RIOX2: variants seen among roughly 807,000 people sequenced by gnomAD.
RIOX2 encodes the protein ribosomal oxygenase 2, also known as 60S ribosomal protein L27a histidine hydroxylase.
In RIOX2, 43 loss-of-function variants were observed where a neutral mutation model predicts 51.2. The observed-to-expected ratio is 0.84, with a 90% CI of 0.66 to 1.08. RIOX2 has a LOEUF of 1.08. Among genes scored for constraint, RIOX2 ranks in the 50% least tolerant of loss-of-function variants. The pLI is 0.00. For missense variants in RIOX2, 566 were observed against 561.7 expected (o/e 1.01, Z -0.08); for synonymous variants, 226 against 218.5 (o/e 1.03, Z -0.30).
chr3:97,945,581 C>CT, intron 9 of RIOX2: 1 of 607,124 alleles, frequency 1.6e-6, no homozygotes, highest in Non-Finnish European at 2.9e-6. Context: ...TCCTATAAGG[C>CT]TACAGGTCCC....
rs369734853 is a variant in RIOX2 at position 97,945,938 on chromosome 3, G to A, written c.1150-51C>T. The A allele has an allele frequency of 8.3e-6, 11 of 1,327,586 alleles. No homozygotes were observed. The African/African-American group carries it at 1.6e-4, about 19-fold the overall frequency. The allele number at this position is 1,327,586 out of a possible 1,614,324, so 82.2% of individuals were successfully genotyped here. On this transcript the variant is annotated intron_variant, in intron 8 of 9. Coordinates refer to ENST00000394198, the MANE Select transcript of RIOX2 (RefSeq NM_153182.4). ...GGCCATCAACAACACAACACTGAAG[G>A]TGTCAGTACTAGGAAGGTTTTCCAA...
chr3:97,960,089 G>A (rs1234805205), intron 3 of RIOX2, among the ~76,000 whole-genome samples: 1 of 152,148 alleles, frequency 6.6e-6, no homozygotes, highest in Non-Finnish European at 1.5e-5. Flanking sequence ...AACAGTTCTT[G>A]TGTATTTTTC....
chr3:97,955,722 C>T (rs1312944133), intron 4 of RIOX2, among the ~76,000 whole-genome samples: 1 of 152,078 alleles, frequency 6.6e-6, no homozygotes, highest in Non-Finnish European at 1.5e-5. Flanking sequence ...AGTCACATGC[C>T]ACTTAACAAT....
rs557419117 is a variant in RIOX2 at position 97,943,795 on chromosome 3, T to C, written c.*1389A>G. Reference sequence around the variant, plus strand: ...AATTTTTTAGCAACACCTGAAAATATACTAAACTTTCCTAGATAAACTTTA... The same window carrying C: ...AATTTTTTAGCAACACCTGAAAATACACTAAACTTTCCTAGATAAACTTTA... On this transcript the variant is annotated 3_prime_UTR_variant, in exon 10 of 10. Transcript: ENST00000394198. 1.3e-5 allele frequency: 2 copies of C among 153,830 alleles called. No homozygotes were observed. Among genetic ancestry groups the C allele is most frequent in the Admixed American group, 6.6e-5 (1 of 15,244 alleles). 9.5% of individuals were successfully genotyped at this position (153,830 alleles called of 1,614,324 possible). A position where few individuals can be genotyped will look rare whatever the true frequency, so the allele number is the denominator to read the frequency against.
rs1705191038 is a variant in RIOX2, at chr3:97,950,155, G to A, written c.889-140C>T. 6 of 736,348 alleles carry A rather than the reference G, an allele frequency of 8.1e-6. No individual in the cohort carries two copies. The East Asian group carries it at 1.6e-4, about 20-fold the overall frequency. 45.6% of individuals were successfully genotyped at this position (736,348 alleles called of 1,614,324 possible). A position where few individuals can be genotyped will look rare whatever the true frequency, so the allele number is the denominator to read the frequency against. ...CATTCCAAAGGGGAAGGGACAACCT[G>A]AGCCCCTAAGAATGATATCTCATCA... On this transcript the variant is annotated intron_variant, in intron 6 of 9. Coordinates refer to ENST00000394198, the MANE Select transcript of RIOX2 (RefSeq NM_153182.4).
chr3:97,945,517 C>CAA, intron 9 of RIOX2, 175 bp from the exon 10 acceptor site: 1 of 622,922 alleles, frequency 1.6e-6, no homozygotes, highest in Non-Finnish European at 2.7e-6. Context: ...AAAAGGCATC[C>CAA]TAATTTATGT....
intron 5 of RIOX2, chr3:97,952,186 AAC>A (rs1373222185): frequency 2.3e-6 from 3 of 1,289,750 alleles, no homozygotes; most frequent in African/African-American, 3.0e-5. Flanking sequence ...TTAGGCTCAA[AAC>A]ACAGGATCAT....
At chr3:97,960,276 T>C (rs2107175790) in intron 3 of RIOX2, among the ~76,000 whole-genome samples, 1 of 152,348 alleles carries the variant, frequency 6.6e-6, no homozygotes, top group African/African-American at 2.4e-5. Flanking sequence ...CTACCCACCA[T>C]TTCAGATGGA....
At chr3:97,950,040 G>A in intron 6 of RIOX2, 25 bp from the exon 7 acceptor site, 1 of 1,611,954 alleles carries the variant, frequency 6.2e-7, no homozygotes, top group South Asian at 1.1e-5. Flanking sequence ...GTGAGTCCTG[G>A]CCCAGATGCC....
intron 1 of RIOX2, among the ~76,000 whole-genome samples, chr3:97,968,106 G>A (rs1705962766): frequency 6.6e-6 from 1 of 152,052 alleles, no homozygotes; most frequent in Non-Finnish European, 1.5e-5. Context: ...CCACTGCCAG[G>A]TGCTCCTCAC....
chr3:97,966,171 T>A (rs1378156856), intron 2 of RIOX2, among the ~76,000 whole-genome samples: 1 of 152,104 alleles, frequency 6.6e-6, no homozygotes, highest in African/African-American at 2.4e-5. Flanking sequence ...CAATGGGATA[T>A]AACAAGCCAC....
intron 3 of RIOX2, 35 bp from the exon 4 acceptor site, chr3:97,959,214 C>T (rs1208052798): frequency 1.3e-6 from 2 of 1,596,194 alleles, no homozygotes; most frequent in Non-Finnish European, 1.7e-6. Context: ...CATCAGAGAG[C>T]TTCCTGACAA....
At chr3:97,965,898 C>A (rs1042965957) in intron 2 of RIOX2, among the ~76,000 whole-genome samples, 1 of 152,222 alleles carries the variant, frequency 6.6e-6, no homozygotes, top group Non-Finnish European at 1.5e-5. Context: ...CAGCGAGAAG[C>A]ATTTTATTGA....
Position 97,967,575 on chromosome 3 carries a change from G to T in RIOX2, c.19C>A (p.Pro7Thr). 2 of 1,587,882 alleles carry T rather than the reference G, an allele frequency of 1.3e-6. No homozygotes were observed. Among genetic ancestry groups the T allele is most frequent in the Non-Finnish European group, 8.5e-7 (1 of 1,170,412 alleles). ...CCCTCTTCCTTCCCACTCCCTGTAG[G>T]CTTTGCTTTCTTTGGCATCGTTCTG... MPKKAKPTGSGKEEGPA... is the reference protein window; with the variant it reads MPKKAKTTGSGKEEGPA... Residue 7 changes from proline to threonine, a missense_variant, in exon 2 of 10, where the codon CCT (proline) becomes ACT (threonine). Transcript: ENST00000394198.
rs759556306 is a variant in RIOX2 at position 97,967,399 on chromosome 3, G to A, written c.195C>T (p.Leu65=). ...FKEFWEQKPL[L]IQRDDPALAT... ...CCAGTGCAGGGTCATCTCTCTGAAT[G>A]AGAAGGGGCTTCTGCTCCCAGAATT... is the stretch of plus-strand genomic sequence containing the variant. Residue 65 remains leucine, a synonymous_variant, in exon 2 of 10, where the codon CTC becomes CTT. Coordinates refer to ENST00000394198, the MANE Select transcript of RIOX2 (RefSeq NM_153182.4). The A allele has an allele frequency of 7.4e-6, 12 of 1,614,146 alleles. No homozygotes were observed. Among genetic ancestry groups the A allele is most frequent in the East Asian group, 4.5e-5 (2 of 44,866 alleles).
rs377339395 is a variant in RIOX2, at chr3:97,947,433, C to T, written c.1077G>A (p.Arg359=). 3.9e-5 allele frequency: 63 copies of T among 1,613,210 alleles called. No individual in the cohort carries two copies. Among genetic ancestry groups the T allele is most frequent in the Non-Finnish European group, 4.9e-5 (58 of 1,179,482 alleles). ...ELSTPGGKLP[R]LDSVVRLQFK... is the part of the protein sequence containing the mutation. ...ACTGCAGTCTCACTACACTGTCCAG[C>T]CTCGGTAACTTTCCACCTAGAAAAC... The change falls in exon 8 of 10, where the codon AGG becomes AGA. Residue 359 remains arginine (R), a synonymous_variant. Transcript: ENST00000394198.
chr3:97,950,502 A>C (rs191961172), intron 6 of RIOX2, among the ~76,000 whole-genome samples: 1 of 152,340 alleles, frequency 6.6e-6, no homozygotes, highest in African/African-American at 2.4e-5. Context: ...TGCTAAATCT[A>C]CAGTTCTCCT....
chr3:97,942,983 A>G lies in RIOX2; in HGVS notation c.*2201T>C. Reference sequence around the variant, plus strand: ...CACTTTGTTCTAAAGAATCACATTAAGGCACGCCACTTATACAATCATGTA... The same window carrying G: ...CACTTTGTTCTAAAGAATCACATTAGGGCACGCCACTTATACAATCATGTA... On this transcript the variant is annotated 3_prime_UTR_variant, in exon 10 of 10. Transcript: ENST00000394198. 2.3e-6 allele frequency: 1 copy of G among 437,750 alleles called. No individual in the cohort carries two copies. The highest frequency in any genetic ancestry group is 4.0e-6 in the Non-Finnish European group (1 of 249,142). 27.1% of individuals were successfully genotyped at this position (437,750 alleles called of 1,614,324 possible).
chr3:97,950,668 G>A, intron 6 of RIOX2, 118 bp downstream of exon 6: 1 of 763,114 alleles, frequency 1.3e-6, no homozygotes, highest in Admixed American at 2.0e-5. Context: ...CAGCAGTGCA[G>A]CACAGTAGAC....
Sources: gnomAD v4.1 joint callset for allele counts (sites outside exome capture counted in the v4.1 genomes callset) on GRCh38, gnomAD v4.1.1 for gene constraint, MANE v1.5 for transcripts, NCBI Gene and HGNC (gene_info 2026-07-23, HGNC 2026-07-21) for gene names.